Variants in HCRTR2 observed in about 807,000 individuals in gnomAD.
HCRTR2 encodes orexin receptor type 2.
A neutral mutation model predicts 49.0 loss-of-function variants in HCRTR2; 22 were observed. The observed-to-expected ratio is 0.45, with a 90% CI of 0.32 to 0.64. The LOEUF (loss-of-function observed/expected upper bound fraction) is 0.64. HCRTR2 is among the 30% of genes least tolerant of loss of function. HCRTR2 has a pLI of 0.04. For synonymous variants in HCRTR2, 236 were observed against 205.3 expected, an observed-to-expected ratio of 1.15 and a Z score of -1.28; for missense variants, 491 against 559.4, an observed-to-expected ratio of 0.88 and a Z score of 1.23.
At chr6:55,276,441 T>C (rs1465120350) in intron 4 of HCRTR2, among the ~76,000 whole-genome samples, 2 of 152,212 alleles carry the variant, frequency 1.3e-5, no homozygotes, top group African/African-American at 2.4e-5. Context: ...CATTGGTCAG[T>C]ACTGGTTTGC....
intron 1 of HCRTR2, among the ~76,000 whole-genome samples, chr6:55,126,154 C>A (rs865837572): frequency 6.6e-6 from 1 of 152,140 alleles, no homozygotes; most frequent in South Asian, 2.1e-4. Context: ...AGTTTTGTTC[C>A]CTTGCTGGTG....
chr6:55,204,395 T>C (rs746670550), intron 1 of HCRTR2, among the ~76,000 whole-genome samples: 21 of 152,222 alleles, frequency 1.4e-4, no homozygotes, highest in Non-Finnish European at 2.5e-4. Context: ...TTCTCCATTT[T>C]TCTAATAGTG....
At chr6:55,267,405 T>TTA (rs1491408480) in intron 4 of HCRTR2, among the ~76,000 whole-genome samples, 7 of 53,938 alleles carry the variant, frequency 1.3e-4, no homozygotes, top group African/African-American at 8.1e-4. Flanking sequence ...TCTCTCTCTG[T>TTA]TTTTTTTTTT....
intron 1 of HCRTR2, among the ~76,000 whole-genome samples, chr6:55,189,094 C>G (rs1174572167): frequency 6.6e-6 from 1 of 152,192 alleles, no homozygotes; most frequent in Non-Finnish European, 1.5e-5. Context: ...TTAATCTCCT[C>G]TACTGCTTTC....
At chr6:55,211,521 A>G (rs781609453) in intron 1 of HCRTR2, among the ~76,000 whole-genome samples, 1 of 152,042 alleles carries the variant, frequency 6.6e-6, no homozygotes, top group Non-Finnish European at 1.5e-5. Flanking sequence ...TCAGTATTTC[A>G]TTTACTTGAG....
At chr6:55,194,765 A>G (rs78493841) in intron 1 of HCRTR2, among the ~76,000 whole-genome samples, 2,682 of 152,180 alleles carry the variant, frequency 0.018, 71 homozygotes, top group African/African-American at 0.061. Flanking sequence ...GTCATTCAGT[A>G]GGCTGGAAGT....
intron 1 of HCRTR2, among the ~76,000 whole-genome samples, chr6:55,224,033 A>C (rs1276960260): frequency 6.6e-6 from 1 of 152,202 alleles, no homozygotes; most frequent in Non-Finnish European, 1.5e-5. Flanking sequence ...TTTTTCAATG[A>C]GAGATTTTAT....
chr6:55,231,058 T>C (rs749893542), intron 1 of HCRTR2, among the ~76,000 whole-genome samples: 2 of 152,116 alleles, frequency 1.3e-5, no homozygotes, highest in African/African-American at 4.8e-5. Flanking sequence ...TTCAGAAATA[T>C]GGTTTAGGCG....
intron 1 of HCRTR2, among the ~76,000 whole-genome samples, chr6:55,181,510 C>A (rs1248421956): frequency 6.6e-6 from 1 of 151,998 alleles, no homozygotes; most frequent in Non-Finnish European, 1.5e-5. Flanking sequence ...AAGTAATTTG[C>A]CTTCAATACT....
At chr6:55,106,857 G>A (rs1763982087) in intron 1 of HCRTR2, among the ~76,000 whole-genome samples, 1 of 152,052 alleles carries the variant, frequency 6.6e-6, no homozygotes, top group East Asian at 1.9e-4. Context: ...TGCCCCTTTT[G>A]CTCATATCAC....
intron 4 of HCRTR2, among the ~76,000 whole-genome samples, chr6:55,270,579 A>G (rs1290803387): frequency 6.6e-6 from 1 of 152,214 alleles, no homozygotes; most frequent in African/African-American, 2.4e-5. Context: ...CAGAAGTGGA[A>G]AAGTCCCCTG....
intron 1 of HCRTR2, among the ~76,000 whole-genome samples, chr6:55,124,392 C>T (rs1339522533): frequency 6.6e-6 from 1 of 152,166 alleles, no homozygotes. Context: ...TATTCAGGAG[C>T]AGGCTGTTCA....
intron 4 of HCRTR2, among the ~76,000 whole-genome samples, chr6:55,264,425 T>C (rs1012043872): frequency 3.9e-5 from 6 of 152,112 alleles, no homozygotes; most frequent in South Asian, 2.1e-4. Flanking sequence ...CAGTTATTCA[T>C]TCCTGAAATA....
intron 1 of HCRTR2, among the ~76,000 whole-genome samples, chr6:55,155,487 C>G (rs1213398192): frequency 6.6e-6 from 1 of 151,938 alleles, no homozygotes; most frequent in African/African-American, 2.4e-5. Context: ...CACATCATTA[C>G]TAGCAATCTA....
intron 1 of HCRTR2, among the ~76,000 whole-genome samples, chr6:55,120,823 C>T (rs184424979): frequency 6.6e-6 from 1 of 152,086 alleles, no homozygotes; most frequent in Admixed American, 6.6e-5. Flanking sequence ...TGTTCTGTTC[C>T]ATTGGTCTGT....
chr6:55,163,313 G>A (rs1339779765), intron 1 of HCRTR2, among the ~76,000 whole-genome samples: 1 of 151,126 alleles, frequency 6.6e-6, no homozygotes, highest in Non-Finnish European at 1.5e-5. Flanking sequence ...AGCCCATATA[G>A]CCAAAACAAT....
At chr6:55,170,537 G>A (rs1036495658), upstream of HCRTR2, among the ~76,000 whole-genome samples, 10 of 151,624 alleles carry the variant, frequency 6.6e-5, no homozygotes, top group African/African-American at 1.9e-4. Context: ...GATATGTATA[G>A]CAAATAATAT....
intron 1 of HCRTR2, among the ~76,000 whole-genome samples, chr6:55,242,483 T>C (rs1766355145): frequency 6.6e-6 from 1 of 152,212 alleles, no homozygotes; most frequent in Non-Finnish European, 1.5e-5. Context: ...GTTTTTACCT[T>C]ATTTTAATAT....
At chr6:55,251,250 A>G (rs577698951) in intron 2 of HCRTR2, among the ~76,000 whole-genome samples, 2 of 152,122 alleles carry the variant, frequency 1.3e-5, no homozygotes, top group Non-Finnish European at 2.9e-5. Context: ...TTAATTTGCT[A>G]TAATTTATAT....
Sources: gnomAD v4.1 joint callset for allele counts (sites outside exome capture counted in the v4.1 genomes callset) on GRCh38, gnomAD v4.1.1 for gene constraint, MANE v1.5 for transcripts, NCBI Gene and HGNC (gene_info 2026-07-23, HGNC 2026-07-21) for gene names.